Variants in CDH11 observed in about 807,000 individuals in gnomAD.
The protein encoded by CDH11 is cadherin 11.
A neutral mutation model predicts 67.8 loss-of-function variants in CDH11; 11 were observed. The observed-to-expected ratio is 0.16, with a 90% CI of 0.10 to 0.27. CDH11 has a LOEUF of 0.27. CDH11 is among the 10% of genes least tolerant of loss of function. The pLI, the probability that CDH11 is intolerant of heterozygous loss-of-function variation, is 1.00. For synonymous variants in CDH11, 419 were observed against 400.0 expected, an observed-to-expected ratio of 1.05 and a Z score of -0.57; for missense variants, 847 against 1,031.2, an observed-to-expected ratio of 0.82 and a Z score of 2.45.
rs1308293567 is a variant in CDH11, at chr16:64,988,326, A to G, written c.830T>C (p.Val277Ala). 1 of 1,613,056 alleles carries G rather than the reference A, an allele frequency of 6.2e-7. No homozygotes were observed. The highest frequency in any genetic ancestry group is 8.5e-7 in the Non-Finnish European group (1 of 1,179,520). Residue 277 changes from valine to alanine, a missense_variant, in exon 7 of 13, where the codon GTG becomes GCG. This residue lies in a region of CDH11 where 612 missense variants were observed against 678.7 expected (regional missense o/e 0.90). Transcript: ENST00000268603. ...KFPQSVYQMS[V>A]SEAAVPGEEV... ...CTCCCCAGGGACGGCTGCTTCTGAC[A>G]CAGACATCTGGTATACGCCTAGAAG... is the stretch of plus-strand genomic sequence containing the variant.
intron 1 of CDH11, among the ~76,000 whole-genome samples, chr16:65,070,092 ACG>A (rs2074390385): frequency 1.3e-5 from 2 of 152,194 alleles, no homozygotes; most frequent in Non-Finnish European, 2.9e-5. Context: ...CTGCCACTGT[ACG>A]ATTGTGGCAA....
chr16:64,992,872 T>G (rs1285283340), intron 5 of CDH11, 43 bp downstream of exon 5: 1 of 1,601,738 alleles, frequency 6.2e-7, no homozygotes, highest in South Asian at 1.1e-5. Flanking sequence ...CTGGGACTTC[T>G]TATTCACCAT....
At position 65,050,499 on chromosome 16, in the gene CDH11, T is replaced by C. The variant is rs189599055; in HGVS notation, c.-173+3305A>G. The stretch of plus-strand genomic sequence containing the variant: ...CAAGAAAGTCTGGCATCTTGACCTG[T>C]TTGGGAATCAAGAATCTGAGTCTCA... On this transcript the variant is annotated intron_variant, in intron 2 of 12. Coordinates refer to ENST00000268603, the MANE Select transcript of CDH11 (RefSeq NM_001797.4). 2.0e-3 allele frequency among the ~76,000 whole-genome samples: 312 copies of C among 152,328 alleles called. 2 individuals are homozygous for C. The highest frequency in any genetic ancestry group is 0.017 in the Middle Eastern group (5 of 294).
rs2142458952 is a variant in CDH11 at position 64,982,112 on chromosome 16, C to T, written c.1189G>A (p.Ala397Thr). 3 of 1,614,018 alleles carry T rather than the reference C, an allele frequency of 1.9e-6. No homozygotes were observed. The highest frequency in any genetic ancestry group is 2.5e-6 in the Non-Finnish European group (3 of 1,179,966). Residue 397 changes from alanine to threonine, a missense_variant, in exon 8 of 13, where the codon GCT becomes ACT. By Grantham distance (58) the Ala-to-Thr change is moderately conservative. This residue lies in a region of CDH11 where 612 missense variants were observed against 678.7 expected (regional missense o/e 0.90). Coordinates refer to ENST00000268603, the MANE Select transcript of CDH11 (RefSeq NM_001797.4). ...SYIHEVQENA[A>T]AGTVVGRVHA... ...ACTCTCCCAACCACGGTGCCAGCAG[C>T]TGCATTTTCTTGGACTTCGTGGATG...
rs2075324534 is a variant in CDH11, at chr16:65,121,244, G to A, written c.-298+636C>T. ...TCGGGCTGGAGGGCTGTAGCGCACC[G>A]CAGCCTGCTGCCCCAGAACCACAGT... is the stretch of plus-strand genomic sequence containing the variant. On this transcript the variant is annotated intron_variant, in intron 1 of 12. Coordinates refer to ENST00000268603, the MANE Select transcript of CDH11 (RefSeq NM_001797.4). This position sits in a 1 kb window ranked among gnomAD's most constrained non-coding sequence, Gnocchi z 4.1. 6.6e-6 allele frequency among the ~76,000 whole-genome samples: 1 copy of A among 152,200 alleles called. No individual in the cohort carries two copies.
intron 2 of CDH11, among the ~76,000 whole-genome samples, chr16:65,026,153 G>C (rs1472024618): frequency 1.3e-5 from 2 of 152,100 alleles, no homozygotes; most frequent in Non-Finnish European, 2.9e-5. Flanking sequence ...ACATGGGTGG[G>C]CATGCCTTTT....
intron 4 of CDH11, 54 bp downstream of exon 4, chr16:64,998,508 C>T: frequency 1.3e-6 from 2 of 1,551,772 alleles, no homozygotes; most frequent in Non-Finnish European, 1.8e-6. Context: ...TCAGCCCACC[C>T]ACCACAGAGA....
chr16:64,998,051 A>T (rs187093952), intron 4 of CDH11, among the ~76,000 whole-genome samples: 82 of 152,326 alleles, frequency 5.4e-4, no homozygotes, highest in Admixed American at 4.6e-3. Context: ...TAGCAACTTA[A>T]TGTGTCTTCA....
intron 11 of CDH11, among the ~76,000 whole-genome samples, chr16:64,955,918 G>A (rs2142384579): frequency 6.6e-6 from 1 of 152,110 alleles, no homozygotes; most frequent in South Asian, 2.1e-4. Flanking sequence ...CTTTGAGTGG[G>A]TCCCCTTGCA....
chr16:64,978,612 T>C (rs2072245123), intron 8 of CDH11, among the ~76,000 whole-genome samples: 1 of 152,176 alleles, frequency 6.6e-6, no homozygotes, highest in South Asian at 2.1e-4. Flanking sequence ...TAATCAACAG[T>C]ACAAAACAAT....
chr16:65,014,834 G>T (rs538028427), intron 2 of CDH11, among the ~76,000 whole-genome samples: 1 of 151,936 alleles, frequency 6.6e-6, no homozygotes, highest in Non-Finnish European at 1.5e-5. Context: ...GGCTGTTTGA[G>T]GAATAAAGAG....
chr16:65,073,772 T>C (rs2074460352), intron 1 of CDH11, among the ~76,000 whole-genome samples: 1 of 152,148 alleles, frequency 6.6e-6, no homozygotes, highest in Non-Finnish European at 1.5e-5. Context: ...CTTATTAAAA[T>C]GCAGACTCTG....
At chr16:65,026,993 T>C (rs1031343577) in intron 2 of CDH11, among the ~76,000 whole-genome samples, 1 of 152,174 alleles carries the variant, frequency 6.6e-6, no homozygotes, top group African/African-American at 2.4e-5. Flanking sequence ...AGCTAATCAT[T>C]GTCAAAGGGA....
chr16:65,067,918 A>G (rs1597153918), intron 1 of CDH11, among the ~76,000 whole-genome samples: 3 of 109,200 alleles, frequency 2.7e-5, no homozygotes, highest in Admixed American at 1.1e-4. Flanking sequence ...AAGGAAGGGA[A>G]GGAGGGAGGG....
chr16:65,081,248 A>G (rs2074604221), intron 1 of CDH11, among the ~76,000 whole-genome samples: 1 of 152,202 alleles, frequency 6.6e-6, no homozygotes, highest in Admixed American at 6.5e-5. Flanking sequence ...ATGGCCATCA[A>G]ACAATGACCT....
At chr16:64,970,933 T>C (rs539721425) in intron 11 of CDH11, among the ~76,000 whole-genome samples, 23 of 152,338 alleles carry the variant, frequency 1.5e-4, no homozygotes, top group African/African-American at 5.5e-4. Flanking sequence ...CTACCAACTT[T>C]ATCTAGGGAC....
chr16:65,009,884 G>T (rs1321626315), intron 2 of CDH11, among the ~76,000 whole-genome samples: 1 of 152,158 alleles, frequency 6.6e-6, no homozygotes, highest in Non-Finnish European at 1.5e-5. Flanking sequence ...CCTCTATCTT[G>T]AGAGCAGATA....
At chr16:64,956,310 C>G (rs749893258) in intron 11 of CDH11, among the ~76,000 whole-genome samples, 3 of 152,046 alleles carry the variant, frequency 2.0e-5, no homozygotes, top group Non-Finnish European at 4.4e-5. Flanking sequence ...AGCCTGTTGG[C>G]GATGCTCAGT....
chr16:65,081,183 C>T (rs2074602885), intron 1 of CDH11, among the ~76,000 whole-genome samples: 1 of 152,118 alleles, frequency 6.6e-6, no homozygotes, highest in Non-Finnish European at 1.5e-5. Flanking sequence ...ATTACATGTT[C>T]TGAATATCAG....
Sources: allele counts gnomAD v4.1 joint callset (sites outside exome capture counted in the v4.1 genomes callset), GRCh38; gene constraint gnomAD v4.1.1; regional missense constraint gnomAD v4.1.1; non-coding constraint Gnocchi (gnomAD v3.1); transcripts MANE v1.5; gene names NCBI Gene and HGNC (gene_info 2026-07-23, HGNC 2026-07-21).